SNTB2: variants seen among roughly 807,000 people sequenced by gnomAD.
SNTB2 encodes the protein syntrophin beta 2.
In SNTB2, 34 loss-of-function variants were observed where a neutral mutation model predicts 46.2. The observed-to-expected ratio is 0.74, with a 90% CI of 0.56 to 0.98. The LOEUF (loss-of-function observed/expected upper bound fraction) is 0.98, where lower values mean the gene tolerates loss of function less well. Among genes scored for constraint, SNTB2 ranks in the 50% least tolerant of loss-of-function variants. The pLI is 0.00. For missense variants in SNTB2, 603 were observed against 731.4 expected, an observed-to-expected ratio of 0.82 and a Z score of 2.02; for synonymous variants, 290 against 312.6, an observed-to-expected ratio of 0.93 and a Z score of 0.76.
intron 5 of SNTB2, among the ~76,000 whole-genome samples, chr16:69,286,782 G>A (rs919461513): frequency 1.3e-5 from 2 of 151,842 alleles, no homozygotes; most frequent in African/African-American, 4.8e-5. Context: ...GCTAAGGTAG[G>A]AAGATTGCTT....
chr16:69,299,825 T>A, intron 6 of SNTB2, 51 bp downstream of exon 6: 1 of 1,527,428 alleles, frequency 6.5e-7, no homozygotes, highest in Non-Finnish European at 9.0e-7. Flanking sequence ...TCTCTTTCCT[T>A]CTCATTACTT....
chr16:69,206,804 T>C (rs1964224206), intron 1 of SNTB2, among the ~76,000 whole-genome samples: 1 of 151,776 alleles, frequency 6.6e-6, no homozygotes. Flanking sequence ...TTGCTCTTGT[T>C]GCCCAGGCTG....
At chr16:69,199,954 G>T (rs1284527179) in intron 1 of SNTB2, among the ~76,000 whole-genome samples, 1 of 151,556 alleles carries the variant, frequency 6.6e-6, no homozygotes, top group Non-Finnish European at 1.5e-5. Context: ...TCCCTCTGTC[G>T]CCCAGGCTGG....
intron 5 of SNTB2, among the ~76,000 whole-genome samples, chr16:69,296,308 C>T (rs1291968216): frequency 1.3e-5 from 2 of 152,016 alleles, no homozygotes; most frequent in Admixed American, 1.3e-4. Context: ...TAAACTAAAA[C>T]AAGCTCAATA....
intron 1 of SNTB2, among the ~76,000 whole-genome samples, chr16:69,202,373 G>A (rs999177377): frequency 6.6e-6 from 1 of 150,390 alleles, no homozygotes; most frequent in African/African-American, 2.5e-5. Flanking sequence ...CATACTAAAT[G>A]TAGGCTGTGA....
chr16:69,272,362 G>A (rs1478169051), intron 4 of SNTB2, among the ~76,000 whole-genome samples: 1 of 151,816 alleles, frequency 6.6e-6, no homozygotes, highest in Non-Finnish European at 1.5e-5. Flanking sequence ...CCAACATGGT[G>A]AAATCCCATC....
At chr16:69,212,271 T>A (rs1964295897) in intron 1 of SNTB2, among the ~76,000 whole-genome samples, 2 of 152,138 alleles carry the variant, frequency 1.3e-5, no homozygotes, top group Non-Finnish European at 2.9e-5. Context: ...GTGAAACCTT[T>A]CCTGACTGAC....
chr16:69,224,513 A>G (rs1964440260), intron 1 of SNTB2, among the ~76,000 whole-genome samples: 1 of 152,198 alleles, frequency 6.6e-6, no homozygotes, highest in African/African-American at 2.4e-5. Context: ...TTCCTTTGTA[A>G]TTAATAAGTA....
At chr16:69,299,525 T>G (rs1193790779) in intron 5 of SNTB2, 65 bp from the exon 6 acceptor site, 2 of 1,481,884 alleles carry the variant, frequency 1.3e-6, no homozygotes, top group African/African-American at 2.8e-5. Flanking sequence ...GTCAGAAGAT[T>G]CCCTTTTCAC....
intron 3 of SNTB2, among the ~76,000 whole-genome samples, chr16:69,261,538 A>G (rs1175228443): frequency 2.0e-5 from 3 of 152,072 alleles, no homozygotes; most frequent in African/African-American, 7.2e-5. Context: ...ATAAATGAGA[A>G]TGTAATATTA....
intron 3 of SNTB2, among the ~76,000 whole-genome samples, chr16:69,266,301 T>C (rs1964883335): frequency 6.6e-6 from 1 of 151,958 alleles, no homozygotes; most frequent in African/African-American, 2.4e-5. Flanking sequence ...GAGATGGAGG[T>C]TGCAGTGATC....
intron 5 of SNTB2, among the ~76,000 whole-genome samples, chr16:69,289,952 A>C (rs182672278): frequency 7.2e-5 from 11 of 152,344 alleles, no homozygotes; most frequent in South Asian, 2.1e-4. Flanking sequence ...TGGGAGATTC[A>C]GAACTGTCTG....
At chr16:69,215,889 A>G (rs1266925462) in intron 1 of SNTB2, among the ~76,000 whole-genome samples, 3 of 152,134 alleles carry the variant, frequency 2.0e-5, no homozygotes, top group Admixed American at 1.3e-4. Flanking sequence ...TGCAGCCTCA[A>G]ACTCTCAGGC....
chr16:69,261,994 A>G (rs972467839), intron 3 of SNTB2, among the ~76,000 whole-genome samples: 2 of 152,136 alleles, frequency 1.3e-5, no homozygotes, highest in Non-Finnish European at 2.9e-5. Context: ...GAATCGCTCA[A>G]GACCAGGAGC....
intron 1 of SNTB2, among the ~76,000 whole-genome samples, chr16:69,242,788 A>G (rs11643302): frequency 6.6e-6 from 1 of 152,128 alleles, no homozygotes; most frequent in African/African-American, 2.4e-5. Flanking sequence ...TTGGGAGGCC[A>G]AGGCGGGTGG....
intron 1 of SNTB2, among the ~76,000 whole-genome samples, chr16:69,202,572 T>TTTTTTTA (rs1055381917): frequency 6.6e-6 from 1 of 151,940 alleles, no homozygotes; most frequent in Non-Finnish European, 1.5e-5. Context: ...TCAGTAATTT[T>TTTTTTTA]TTTTTTATTT....
chr16:69,197,222 A>G (rs1039821770), intron 1 of SNTB2, among the ~76,000 whole-genome samples: 3 of 152,340 alleles, frequency 2.0e-5, no homozygotes, highest in Admixed American at 6.5e-5. Context: ...TAAGTGGTAG[A>G]CAAATGCTGA....
chr16:69,199,255 T>C (rs1964136513), intron 1 of SNTB2, among the ~76,000 whole-genome samples: 1 of 152,176 alleles, frequency 6.6e-6, no homozygotes, highest in African/African-American at 2.4e-5. Context: ...AGTTTGATGA[T>C]TCAGATGGAA....
chr16:69,291,111 C>G (rs77352588), intron 5 of SNTB2, among the ~76,000 whole-genome samples: 7,581 of 152,242 alleles, frequency 0.05, 262 homozygotes, highest in Non-Finnish European at 0.071. Context: ...CATGATGAAC[C>G]TGTTGCCTAT....
Sources: gnomAD v4.1 joint callset for allele counts (sites outside exome capture counted in the v4.1 genomes callset) on GRCh38, gnomAD v4.1.1 for gene constraint, MANE v1.5 for transcripts, NCBI Gene and HGNC (gene_info 2026-07-23, HGNC 2026-07-21) for gene names.